ALK: variants seen among roughly 807,000 people sequenced by gnomAD.
ALK encodes the protein ALK receptor tyrosine kinase, also known as ALK tyrosine kinase receptor.
Under a neutral mutation model 163.1 loss-of-function variants are expected in ALK, and 74 were observed. The observed-to-expected ratio is 0.45, with a 90% CI of 0.38 to 0.55. The LOEUF is 0.55. ALK is among the 20% of genes least tolerant of loss of function. The pLI is 0.00. For synonymous variants in ALK, 960 were observed against 843.2 expected (o/e 1.14, Z -2.40); for missense variants, 2,063 against 2,105.3 (o/e 0.98, Z 0.39).
At chr2:29,472,205 C>T (rs1395785109) in intron 4 of ALK, among the ~76,000 whole-genome samples, 4 of 152,222 alleles carry the variant, frequency 2.6e-5, no homozygotes. Flanking sequence ...CTACTGTTGG[C>T]ATCAACCACC....
At chr2:29,632,035 T>C (rs1381677211) in intron 3 of ALK, among the ~76,000 whole-genome samples, 1 of 152,216 alleles carries the variant, frequency 6.6e-6, no homozygotes, top group Non-Finnish European at 1.5e-5. Flanking sequence ...ACAAATCCCA[T>C]GCACATAGTA....
Position 29,828,084 on chromosome 2 carries a change from T to G in ALK, c.667+91909A>C, listed in dbSNP as rs543880079. Among the ~76,000 whole-genome samples the G allele has an allele frequency of 7.2e-5, 11 of 152,306 alleles. No individual in the cohort carries two copies. In the South Asian group the frequency reaches 2.3e-3, roughly 32 times the overall value. On this transcript the variant is annotated intron_variant, in intron 1 of 28. Coordinates refer to ENST00000389048, the MANE Select transcript of ALK (RefSeq NM_004304.5). ...AATGGGGAAATGATTCCCTGTTTAA[T>G]AAATAGTGCTGGGAAAACTGGCTAG... is the stretch of plus-strand genomic sequence containing the variant.
intron 3 of ALK, among the ~76,000 whole-genome samples, chr2:29,640,555 G>A (rs1006378581): frequency 3.3e-5 from 5 of 152,182 alleles, no homozygotes; most frequent in African/African-American, 1.2e-4. Context: ...CTATACATGA[G>A]AAGCTGGACA....
intron 1 of ALK, among the ~76,000 whole-genome samples, chr2:29,772,529 C>T (rs73922294): frequency 0.013 from 2,018 of 152,224 alleles, 51 homozygotes; most frequent in African/African-American, 0.047. Flanking sequence ...AATTCCTCGC[C>T]TCCCACACTT....
intron 3 of ALK, among the ~76,000 whole-genome samples, chr2:29,619,537 G>A (rs1333809809): frequency 6.6e-6 from 1 of 152,244 alleles, no homozygotes; most frequent in South Asian, 2.1e-4. Flanking sequence ...ACCATTGAAA[G>A]GGCCTCTTCA....
At chr2:29,806,298 C>G (rs1429810637) in intron 1 of ALK, among the ~76,000 whole-genome samples, 1 of 152,026 alleles carries the variant, frequency 6.6e-6, no homozygotes, top group Non-Finnish European at 1.5e-5. Flanking sequence ...GATGCTGAAG[C>G]TTCTTAATAG....
chr2:29,747,715 G>T (rs1680241306), intron 1 of ALK, among the ~76,000 whole-genome samples: 1 of 152,176 alleles, frequency 6.6e-6, no homozygotes. Flanking sequence ...ATATAAAAGA[G>T]AAACAAGTCA....
intron 1 of ALK, among the ~76,000 whole-genome samples, chr2:29,761,822 T>A (rs1423874672): frequency 6.6e-6 from 1 of 152,198 alleles, no homozygotes; most frequent in Non-Finnish European, 1.5e-5. Context: ...CCCTTTGGGT[T>A]CCAGTAACGA....
In ALK at chr2:29,520,208, T is replaced by G. The variant is rs75756979; in HGVS notation, c.1154+11707A>C. ...AGTGTAGGATGGTTAAGGCCACAAA[T>G]GGAGATAACCCAGGCTGAAGACAGT... is the stretch of plus-strand genomic sequence containing the variant. On this transcript the variant is annotated intron_variant, in intron 4 of 28. Coordinates refer to ENST00000389048, the MANE Select transcript of ALK (RefSeq NM_004304.5). 4.5e-3 allele frequency among the ~76,000 whole-genome samples: 679 copies of G among 152,230 alleles called. 1 individual carries two copies. The highest frequency in any genetic ancestry group is 7.9e-3 in the Non-Finnish European group (534 of 68,008).
intron 9 of ALK, among the ~76,000 whole-genome samples, chr2:29,277,089 C>T (rs894877453): frequency 2.6e-5 from 4 of 152,126 alleles, no homozygotes; most frequent in South Asian, 4.1e-4. Flanking sequence ...AGCAGAAAAC[C>T]AGAGCAGGGT....
intron 5 of ALK, among the ~76,000 whole-genome samples, chr2:29,348,803 G>C (rs545906302): frequency 7.9e-5 from 12 of 152,190 alleles, no homozygotes; most frequent in Non-Finnish European, 1.3e-4. Context: ...CCCATCGTAA[G>C]GACGGACTCC....
chr2:29,480,512 A>G (rs754045496), intron 4 of ALK, among the ~76,000 whole-genome samples: 1 of 152,152 alleles, frequency 6.6e-6, no homozygotes, highest in Non-Finnish European at 1.5e-5. Flanking sequence ...GGGACTGTTT[A>G]TCTCTAAACT....
chr2:29,704,957 C>T (rs1380190796), intron 2 of ALK, among the ~76,000 whole-genome samples: 5 of 151,902 alleles, frequency 3.3e-5, no homozygotes, highest in African/African-American at 1.2e-4. Flanking sequence ...AATATAAATA[C>T]CTGTAATCCC....
chr2:29,699,301 T>C (rs998086417), intron 2 of ALK, among the ~76,000 whole-genome samples: 1 of 152,170 alleles, frequency 6.6e-6, no homozygotes, highest in African/African-American at 2.4e-5. Flanking sequence ...CTTCCATCAC[T>C]GTACCTCATC....
At chr2:29,226,465 T>G (rs1573130668) in intron 18 of ALK, among the ~76,000 whole-genome samples, 3 of 98,320 alleles carry the variant, frequency 3.1e-5, no homozygotes, top group African/African-American at 4.3e-5. Flanking sequence ...GCAACAACAG[T>G]GAAACTCCGC....
chr2:29,436,147 T>C (rs1670390697), intron 4 of ALK, among the ~76,000 whole-genome samples: 1 of 152,102 alleles, frequency 6.6e-6, no homozygotes, highest in African/African-American at 2.4e-5. Flanking sequence ...AGCTAACCAA[T>C]AAAGGAAACA....
intron 1 of ALK, among the ~76,000 whole-genome samples, chr2:29,811,709 A>T (rs1664765849): frequency 6.6e-6 from 1 of 152,198 alleles, no homozygotes; most frequent in Non-Finnish European, 1.5e-5. Context: ...GCACTGTAGG[A>T]TCTGTAATCT....
chr2:29,918,429 T>C (rs1467973114), intron 1 of ALK, among the ~76,000 whole-genome samples: 1 of 152,222 alleles, frequency 6.6e-6, no homozygotes, highest in East Asian at 1.9e-4. Flanking sequence ...GCCCAGCTGT[T>C]CTTTACAAAA....
chr2:29,728,708 G>T (rs1679645391), intron 1 of ALK, among the ~76,000 whole-genome samples: 1 of 152,148 alleles, frequency 6.6e-6, no homozygotes, highest in Non-Finnish European at 1.5e-5. Flanking sequence ...GCTGGAGAAG[G>T]CAGGGTCTAT....
Sources: allele counts gnomAD v4.1 joint callset (sites outside exome capture counted in the v4.1 genomes callset), GRCh38; gene constraint gnomAD v4.1.1; transcripts MANE v1.5; gene names NCBI Gene and HGNC (gene_info 2026-07-23, HGNC 2026-07-21).